Variants in RHOBTB1 observed in about 807,000 individuals in gnomAD.
RHOBTB1 encodes rho-related BTB domain-containing protein 1.
In RHOBTB1, 40 loss-of-function variants were observed where a neutral mutation model predicts 71.6. That is an observed-to-expected ratio of 0.56 (90% CI 0.43 to 0.73). RHOBTB1 has a LOEUF of 0.73. Ranked by LOEUF, RHOBTB1 falls within the 30% of genes least tolerant of loss-of-function variation. The pLI, the probability that RHOBTB1 is intolerant of heterozygous loss-of-function variation, is 0.00. For synonymous variants in RHOBTB1, 319 were observed against 334.9 expected (o/e 0.95, Z 0.52); for missense variants, 797 against 894.0 (o/e 0.89, Z 1.38).
intron 5 of RHOBTB1, among the ~76,000 whole-genome samples, chr10:60,892,278 A>T (rs894412463): frequency 2.6e-5 from 4 of 152,202 alleles, no homozygotes; most frequent in Non-Finnish European, 5.9e-5. Flanking sequence ...AAAAGTAGTA[A>T]CTGTTTGTTT....
intron 2 of RHOBTB1, among the ~76,000 whole-genome samples, chr10:60,984,069 G>T (rs1447338856): frequency 6.6e-6 from 1 of 152,122 alleles, no homozygotes; most frequent in Admixed American, 6.5e-5. Flanking sequence ...GTTGTACTCT[G>T]TTCCTCAGTA....
At chr10:60,880,202 T>TGAGAGAGAGAGAGAGA (rs71018931) in intron 7 of RHOBTB1, among the ~76,000 whole-genome samples, 3 of 126,932 alleles carry the variant, frequency 2.4e-5, no homozygotes, top group Non-Finnish European at 5.0e-5. Flanking sequence ...TGTGTGTGTG[T>TGAGAGAGAGAGAGAGA]GAGAGAGAGA....
chr10:60,945,449 TG>T (rs2085183653), upstream of RHOBTB1, among the ~76,000 whole-genome samples: 1 of 152,186 alleles, frequency 6.6e-6, no homozygotes, highest in African/African-American at 2.4e-5. Context: ...GATGCTTCTT[TG>T]GCTTATCCCC....
chr10:60,880,177 C>CTGTGTGTGTGTGTGTGTGTG, intron 7 of RHOBTB1, among the ~76,000 whole-genome samples: 1 of 100,640 alleles, frequency 9.9e-6, no homozygotes, highest in South Asian at 3.7e-4. Flanking sequence ...TGAGGGATGA[C>CTGTGTGTGTGTGTGTGTGTG]TGTGTGTGTG....
At chr10:60,895,368 A>G (rs2082111340) in intron 4 of RHOBTB1, among the ~76,000 whole-genome samples, 1 of 151,970 alleles carries the variant, frequency 6.6e-6, no homozygotes, top group Non-Finnish European at 1.5e-5. Context: ...TGTGCTCATT[A>G]TTTTACACTG....
the RHOBTB1 span, among the ~76,000 whole-genome samples, chr10:60,861,693 T>C: frequency 3.3e-5 from 5 of 152,168 alleles, no homozygotes; most frequent in African/African-American, 1.2e-4. Context: ...TGGAAAGAGC[T>C]AGTTTCAACA....
chr10:60,920,940 ATTTGTTTTTTT>A (rs1221217540), intron 2 of RHOBTB1, among the ~76,000 whole-genome samples: 8 of 136,948 alleles, frequency 5.8e-5, no homozygotes, highest in African/African-American at 8.2e-5. Context: ...TACAGGACTG[ATTTGTTTTTTT>A]TTTGTTTTTT....
chr10:60,881,207 C>T (rs111759951), intron 7 of RHOBTB1, among the ~76,000 whole-genome samples: 1,524 of 152,242 alleles, frequency 0.01, 14 homozygotes, highest in Non-Finnish European at 0.015. Flanking sequence ...GATTGTGAGG[C>T]CTCCCAAGCC....
At chr10:60,929,513 T>C (rs1289073104) in intron 2 of RHOBTB1, among the ~76,000 whole-genome samples, 2 of 151,804 alleles carry the variant, frequency 1.3e-5, no homozygotes, top group Non-Finnish European at 2.9e-5. Context: ...AATTAAATAC[T>C]AAAAACAAAC....
intron 1 of RHOBTB1, among the ~76,000 whole-genome samples, chr10:60,988,214 G>A (rs933098752): frequency 7.2e-5 from 11 of 152,040 alleles, no homozygotes; most frequent in East Asian, 1.9e-4. Flanking sequence ...GATTGCAGGC[G>A]TGAGCCATCA....
intron 2 of RHOBTB1, among the ~76,000 whole-genome samples, chr10:60,965,302 C>T (rs1205472029): frequency 1.3e-5 from 2 of 151,894 alleles, no homozygotes; most frequent in African/African-American, 4.8e-5. Flanking sequence ...TTATTTTGCT[C>T]ATCTCTGTAT....
chr10:60,875,637 T>C (rs1261329234), intron 8 of RHOBTB1, among the ~76,000 whole-genome samples: 4 of 152,180 alleles, frequency 2.6e-5, no homozygotes, highest in African/African-American at 4.8e-5. Flanking sequence ...ATGAGTCTAT[T>C]TGAGGAATTA....
At chr10:60,995,154 A>C (rs1589482419) in intron 1 of RHOBTB1, among the ~76,000 whole-genome samples, 1 of 152,178 alleles carries the variant, frequency 6.6e-6, no homozygotes, top group East Asian at 1.9e-4. Flanking sequence ...AAAGAAAATA[A>C]TATACCAGTA....
intron 2 of RHOBTB1, among the ~76,000 whole-genome samples, chr10:60,954,890 T>TG (rs1175248948): frequency 2.0e-5 from 3 of 152,126 alleles, no homozygotes; most frequent in Non-Finnish European, 4.4e-5. Context: ...ATAGTTCATA[T>TG]TTTATCCTCC....
At chr10:60,940,153 C>T (rs755405180) in intron 2 of RHOBTB1, among the ~76,000 whole-genome samples, 1 of 152,034 alleles carries the variant, frequency 6.6e-6, no homozygotes, top group East Asian at 1.9e-4. Context: ...TTATAATATC[C>T]CTTTAAATGC....
At chr10:60,914,147 G>C (rs1336431007) in intron 2 of RHOBTB1, among the ~76,000 whole-genome samples, 1 of 152,182 alleles carries the variant, frequency 6.6e-6, no homozygotes, top group Admixed American at 6.5e-5. Context: ...ACAGAAACAA[G>C]ATGTGGTGTA....
Position 60,871,654 on chromosome 10 carries a change from G to A in RHOBTB1, c.1922-3C>T. Reference sequence around the variant, plus strand: ...CCGCTCGAAGTATTCCTGGTTGTCTGGTGAAGGAAAGATGCAGACCATAAG... The same window carrying A: ...CCGCTCGAAGTATTCCTGGTTGTCTAGTGAAGGAAAGATGCAGACCATAAG... On this transcript the variant is annotated splice_polypyrimidine_tract_variant and splice_region_variant and intron_variant, in intron 10 of 10. Transcript: ENST00000337910. 6.2e-7 allele frequency: 1 copy of A among 1,613,210 alleles called. No individual in the cohort carries two copies. The highest frequency in any genetic ancestry group is 8.5e-7 in the Non-Finnish European group (1 of 1,179,686).
intron 2 of RHOBTB1, among the ~76,000 whole-genome samples, chr10:60,930,777 C>T (rs1488866954): frequency 2.0e-5 from 3 of 152,156 alleles, no homozygotes; most frequent in African/African-American, 2.4e-5. Context: ...TTCTGCCTCT[C>T]AGGACCTGGG....
chr10:60,911,272 C>T, intron 3 of RHOBTB1, 79 bp downstream of exon 3: 3 of 1,363,406 alleles, frequency 2.2e-6, no homozygotes, highest in Non-Finnish European at 3.0e-6. Flanking sequence ...TTTATCCACG[C>T]TCCTCCTTTA....
Sources: allele counts gnomAD v4.1 joint callset (sites outside exome capture counted in the v4.1 genomes callset), GRCh38; gene constraint gnomAD v4.1.1; transcripts MANE v1.5; gene names NCBI Gene and HGNC (gene_info 2026-07-23, HGNC 2026-07-21).